The following SBF2 variants were observed in gnomAD, a reference collection of about 807,000 sequenced individuals.
The protein encoded by SBF2 is SET binding factor 2.
A neutral mutation model predicts 225.2 loss-of-function variants in SBF2; 112 were observed. The ratio of observed to expected loss-of-function variants is 0.50; its 90% confidence interval spans 0.43 to 0.58. SBF2 has a LOEUF of 0.58. Among genes scored for constraint, SBF2 ranks in the 20% least tolerant of loss-of-function variants. The pLI, the probability that SBF2 is intolerant of heterozygous loss-of-function variation, is 0.00. For missense variants in SBF2, 1,996 were observed against 2,206.2 expected, an observed-to-expected ratio of 0.90 and a Z score of 1.91; for synonymous variants, 763 against 773.3, an observed-to-expected ratio of 0.99 and a Z score of 0.22.
At chr11:10,146,983 G>C (rs754605121) in intron 2 of SBF2, among the ~76,000 whole-genome samples, 2 of 151,378 alleles carry the variant, frequency 1.3e-5, no homozygotes, top group African/African-American at 2.4e-5. Context: ...CTAATCATTA[G>C]GGAAATGCAA....
intron 16 of SBF2, among the ~76,000 whole-genome samples, chr11:9,931,528 G>A (rs11042551): frequency 4.6e-5 from 7 of 152,186 alleles, no homozygotes; most frequent in African/African-American, 1.4e-4. Context: ...CACACCTGCA[G>A]CTGAGGGACC....
At chr11:9,810,757 C>T (rs1290686556) in intron 30 of SBF2, 3 of 152,200 alleles carry the variant, frequency 2.0e-5, no homozygotes, top group Non-Finnish European at 4.4e-5. Flanking sequence ...ATATACATTT[C>T]TGGTGGGAAT....
intron 29 of SBF2, among the ~76,000 whole-genome samples, chr11:9,816,569 C>T (rs904223030): frequency 2.0e-5 from 3 of 151,882 alleles, no homozygotes; most frequent in African/African-American, 7.3e-5. Context: ...TATGTATGTA[C>T]GCTTCCTGAT....
At chr11:10,033,285 A>T (rs1436373374) in intron 3 of SBF2, among the ~76,000 whole-genome samples, 3 of 152,162 alleles carry the variant, frequency 2.0e-5, no homozygotes, top group Non-Finnish European at 4.4e-5. Flanking sequence ...AATGCCCTAG[A>T]GTACCATTAG....
intron 16 of SBF2, among the ~76,000 whole-genome samples, chr11:9,942,789 T>A (rs1865330901): frequency 6.6e-6 from 1 of 150,624 alleles, no homozygotes; most frequent in South Asian, 2.1e-4. Flanking sequence ...CATGGTCACA[T>A]CACTGCACTG....
chr11:9,889,471 A>G (rs1232725849), intron 17 of SBF2, among the ~76,000 whole-genome samples: 3 of 152,254 alleles, frequency 2.0e-5, no homozygotes, highest in Non-Finnish European at 4.4e-5. Context: ...AAGAAATTAA[A>G]TAACTATAAA....
chr11:10,194,134 A>G (rs879032976), intron 1 of SBF2, 147 bp from the exon 2 acceptor site: 1 of 694,750 alleles, frequency 1.4e-6, no homozygotes, highest in Admixed American at 2.2e-5. Flanking sequence ...ACATGTGAGT[A>G]TGCATCATCT....
At chr11:9,910,932 G>A (rs557935781) in intron 16 of SBF2, among the ~76,000 whole-genome samples, 5 of 149,732 alleles carry the variant, frequency 3.3e-5, no homozygotes, top group Admixed American at 2.0e-4. Flanking sequence ...GGTGGTGCAC[G>A]CCTGTAGTCC....
chr11:10,002,484 T>A (rs1328939382), intron 7 of SBF2, 73 bp downstream of exon 7: 1 of 1,236,818 alleles, frequency 8.1e-7, no homozygotes, highest in Non-Finnish European at 1.2e-6. Context: ...CATTGTGCCA[T>A]AACATTATGA....
At chr11:10,277,318 C>T (rs1044726382) in intron 1 of SBF2, among the ~76,000 whole-genome samples, 48 of 152,128 alleles carry the variant, frequency 3.2e-4, no homozygotes, top group Non-Finnish European at 7.3e-5. Flanking sequence ...GAATTTTCTA[C>T]AGCTTATTTT....
chr11:10,174,630 G>T (rs1006693621), intron 2 of SBF2, among the ~76,000 whole-genome samples: 3 of 152,084 alleles, frequency 2.0e-5, no homozygotes, highest in African/African-American at 7.2e-5. Flanking sequence ...AGCAAGGCAG[G>T]CCAACATTCA....
intron 2 of SBF2, among the ~76,000 whole-genome samples, chr11:10,192,339 A>G (rs975599631): frequency 3.3e-5 from 5 of 152,184 alleles, no homozygotes; most frequent in East Asian, 1.9e-4. Context: ...TGGCTGAGTT[A>G]TAACAATCAA....
At chr11:10,217,930 C>T (rs924612875) in intron 1 of SBF2, among the ~76,000 whole-genome samples, 1 of 151,862 alleles carries the variant, frequency 6.6e-6, no homozygotes, top group East Asian at 1.9e-4. Flanking sequence ...GATGGAGTCT[C>T]GCTCTGTCGC....
intron 2 of SBF2, among the ~76,000 whole-genome samples, chr11:10,094,403 CA>C (rs977988281): frequency 4.6e-5 from 7 of 152,114 alleles, no homozygotes; most frequent in Non-Finnish European, 8.8e-5. Flanking sequence ...GAATCATTTT[CA>C]ACATATAGAC....
intron 1 of SBF2, among the ~76,000 whole-genome samples, chr11:10,270,718 G>A (rs1030846518): frequency 6.6e-6 from 1 of 152,118 alleles, no homozygotes; most frequent in Admixed American, 6.5e-5. Flanking sequence ...ATGAGGACGG[G>A]CGCGGTGGCT....
intron 32 of SBF2, among the ~76,000 whole-genome samples, chr11:9,802,694 A>C (rs931261017): frequency 1.3e-5 from 2 of 152,242 alleles, no homozygotes; most frequent in African/African-American, 4.8e-5. Context: ...CTTGAAAGGC[A>C]TTCAAAGAAG....
chr11:10,236,875 A>G (rs1959097525), intron 1 of SBF2, among the ~76,000 whole-genome samples: 1 of 152,230 alleles, frequency 6.6e-6, no homozygotes, highest in South Asian at 2.1e-4. Context: ...AAACAAATAG[A>G]AAAGCTGGAT....
Position 9,790,742 on chromosome 11 carries a change from A to C in SBF2, c.4571-59T>G, listed in dbSNP as rs942667860. Reference sequence around the variant, plus strand: ...AAATAAATTCACACTTTGCCAAAAAACGTATGATGCATGCAGCAGATAAAA... The same window carrying C: ...AAATAAATTCACACTTTGCCAAAAACCGTATGATGCATGCAGCAGATAAAA... On this transcript the variant is annotated intron_variant, in intron 33 of 39. Transcript: ENST00000256190. 233 of 1,317,532 alleles carry C rather than the reference A, an allele frequency of 1.8e-4. 1 individual carries two copies. Among genetic ancestry groups the C allele is most frequent in the Non-Finnish European group, 1.8e-4 (168 of 922,706 alleles). 81.6% of individuals were successfully genotyped at this position (1,317,532 alleles called of 1,614,324 possible). A position where few individuals can be genotyped will look rare whatever the true frequency, so the allele number is the denominator to read the frequency against.
intron 1 of SBF2, among the ~76,000 whole-genome samples, chr11:10,253,314 A>C (rs1960550651): frequency 6.6e-6 from 1 of 152,130 alleles, no homozygotes; most frequent in African/African-American, 2.4e-5. Context: ...AGAGAAAGGA[A>C]AGCAGAAATG....
Sources: gnomAD v4.1 joint callset for allele counts (sites outside exome capture counted in the v4.1 genomes callset) on GRCh38, gnomAD v4.1.1 for gene constraint, MANE v1.5 for transcripts, NCBI Gene and HGNC (gene_info 2026-07-23, HGNC 2026-07-21) for gene names.